Variants in CLN6 observed in about 807,000 individuals in gnomAD.
The protein encoded by CLN6 is ceroid-lipofuscinosis neuronal protein 6.
A neutral mutation model predicts 33.3 loss-of-function variants in CLN6; 22 were observed. That is an observed-to-expected ratio of 0.66 (90% CI 0.47 to 0.94). The LOEUF is 0.94. CLN6 is among the 40% of genes least tolerant of loss of function. The pLI, the probability that CLN6 is intolerant of heterozygous loss-of-function variation, is 0.00. For synonymous variants in CLN6, 201 were observed against 174.6 expected, an observed-to-expected ratio of 1.15 and a Z score of -1.19; for missense variants, 387 against 417.1, an observed-to-expected ratio of 0.93 and a Z score of 0.63.
In CLN6 at chr15:68,211,946, G is replaced by T; in HGVS notation, c.298-83C>A. On this transcript the variant is annotated intron_variant, in intron 3 of 6. Coordinates refer to ENST00000249806, the MANE Select transcript of CLN6 (RefSeq NM_017882.3). The surrounding 1 kb of genome is among the most constrained non-coding windows in gnomAD (Gnocchi z 5.9). ...CCTCTGCTTCCCCCCTCACACCTGG[G>T]GTGGGATGGACGCTTCCAGCTGGAA... The T allele has an allele frequency of 7.0e-7, 1 of 1,429,622 alleles. No homozygotes were observed. The highest frequency in any genetic ancestry group is 9.7e-7 in the Non-Finnish European group (1 of 1,031,626). 88.6% of individuals were successfully genotyped at this position (1,429,622 alleles called of 1,614,324 possible). A position where few individuals can be genotyped will look rare whatever the true frequency, so the allele number is the denominator to read the frequency against.
In CLN6 at chr15:68,208,747, G is replaced by T. The variant is rs560578430; in HGVS notation, c.666-337C>A. ...GAAAGCAACAAACAATTGCCATTACGACGGCAGCCACCCCCGCGGCAGGAT... is the reference window on the plus strand; with the variant it reads ...GAAAGCAACAAACAATTGCCATTACTACGGCAGCCACCCCCGCGGCAGGAT... On this transcript the variant is annotated intron_variant, in intron 6 of 6. Coordinates refer to ENST00000249806, the MANE Select transcript of CLN6 (RefSeq NM_017882.3). This position sits in a 1 kb window ranked among gnomAD's most constrained non-coding sequence, Gnocchi z 5.8. 6.6e-6 allele frequency among the ~76,000 whole-genome samples: 1 copy of T among 152,200 alleles called. No homozygotes were observed. Among genetic ancestry groups the T allele is most frequent in the South Asian group, 2.1e-4 (1 of 4,834 alleles).
chr15:68,209,653 T>C lies in CLN6; in HGVS notation c.649A>G (p.Ser217Gly), dbSNP rs1567095087. 1 of 1,613,166 alleles carries C rather than the reference T, an allele frequency of 6.2e-7. No homozygotes were observed. Among genetic ancestry groups the C allele is most frequent in the African/African-American group, 1.3e-5 (1 of 75,028 alleles). Residue 217 changes from serine (S) to glycine (G), a missense_variant, in exon 6 of 7, where the codon AGT (serine) becomes GGT (glycine). Transcript: ENST00000249806. The surrounding 1 kb of genome is among the most constrained non-coding windows in gnomAD (Gnocchi z 4.9). The stretch of plus-strand genomic sequence containing the variant: ...TCCACTCACCAGTAGTACAGGCCAC[T>C]GGGTGCCACCAGGAGCAGGGCAGGC... ...PGPALLLVAP[S>G]GLYYWYLVTE...
rs1168094947 is a variant in CLN6, at chr15:68,208,753, A to G, written c.666-343T>C. 1.3e-5 allele frequency among the ~76,000 whole-genome samples: 2 copies of G among 152,252 alleles called. No individual in the cohort carries two copies. Among genetic ancestry groups the G allele is most frequent in the Admixed American group, 1.3e-4 (2 of 15,290 alleles). ...AACAAACAATTGCCATTACGACGGCAGCCACCCCCGCGGCAGGATGCCGGG... is the reference window on the plus strand; with the variant it reads ...AACAAACAATTGCCATTACGACGGCGGCCACCCCCGCGGCAGGATGCCGGG... On this transcript the variant is annotated intron_variant, in intron 6 of 6. Coordinates refer to ENST00000249806, the MANE Select transcript of CLN6 (RefSeq NM_017882.3). The surrounding 1 kb of genome is among the most constrained non-coding windows in gnomAD (Gnocchi z 5.8).
intron 3 of CLN6, chr15:68,212,976 G>C (rs1343610398): frequency 6.6e-6 from 1 of 152,078 alleles, no homozygotes; most frequent in East Asian, 1.9e-4. Flanking sequence ...CTGGAGTGCG[G>C]TGGTGGAATC....
intron 1 of CLN6, 105 bp downstream of exon 1, chr15:68,229,397 G>A: frequency 3.3e-6 from 3 of 901,778 alleles, no homozygotes; most frequent in South Asian, 2.0e-5. Flanking sequence ...GGCCAGCGCC[G>A]CACACGAGGT....
chr15:68,256,976 C>G lies in CLN6; in HGVS notation c.-108G>C, dbSNP rs1892444394. On this transcript the variant is annotated 5_prime_UTR_variant, in exon 1 of 7. Transcript: ENST00000538696. This position sits in a 1 kb window ranked among gnomAD's most constrained non-coding sequence, Gnocchi z 4.1. ...GATGGTCACGCATCCCTTCCCTGGG[C>G]TTCTCCGGCACACCTGTATCTAGGG... 3.4e-6 allele frequency: 2 copies of G among 583,962 alleles called. No individual in the cohort carries two copies. The highest frequency in any genetic ancestry group is 6.1e-6 in the Non-Finnish European group (2 of 326,032). 36.2% of individuals were successfully genotyped at this position (583,962 alleles called of 1,614,324 possible). A position where few individuals can be genotyped will look rare whatever the true frequency, so the allele number is the denominator to read the frequency against.
chr15:68,235,587 A>AATATATATAT (rs59823320), intron 1 of CLN6, among the ~76,000 whole-genome samples: 5 of 95,084 alleles, frequency 5.3e-5, no homozygotes, highest in African/African-American at 1.8e-4. Context: ...AATAAAAATA[A>AATATATATAT]ATATATATAT....
At chr15:68,251,446 G>A (rs1057184958) in intron 1 of CLN6, among the ~76,000 whole-genome samples, 3 of 152,024 alleles carry the variant, frequency 2.0e-5, no homozygotes, top group African/African-American at 4.8e-5. Flanking sequence ...AGGCAGAGGC[G>A]GGTGGATGGA....
intron 1 of CLN6, among the ~76,000 whole-genome samples, chr15:68,224,127 A>G (rs1219650576): frequency 6.6e-6 from 1 of 151,976 alleles, no homozygotes; most frequent in South Asian, 2.1e-4. Flanking sequence ...TTAACTGGGT[A>G]TGGTGGCACA....
Position 68,227,448 on chromosome 15 carries a change from C to T in CLN6, c.83+2054G>A, listed in dbSNP as rs2093255512. On this transcript the variant is annotated intron_variant, in intron 1 of 6. Coordinates refer to ENST00000249806, the MANE Select transcript of CLN6 (RefSeq NM_017882.3). The surrounding 1 kb of genome is among the most constrained non-coding windows in gnomAD (Gnocchi z 4.1). Reference sequence around the variant, plus strand: ...AAAGCACGGATGCAGCAGAGGAAATCCAAGCATCCTAGGAACTGGACAGGA... The same window carrying T: ...AAAGCACGGATGCAGCAGAGGAAATTCAAGCATCCTAGGAACTGGACAGGA... 6.6e-6 allele frequency among the ~76,000 whole-genome samples: 1 copy of T among 152,180 alleles called. No homozygotes were observed.
upstream of CLN6, among the ~76,000 whole-genome samples, chr15:68,233,456 G>A (rs76198580): frequency 6.2e-3 from 946 of 152,256 alleles, 4 homozygotes; most frequent in East Asian, 0.033. The surrounding 1 kb of genome is among the most constrained non-coding windows in gnomAD (Gnocchi z 4.3). Context: ...CTGCAGCTGC[G>A]GAAAATGAAG....
Position 68,257,047 on chromosome 15 carries a change from C to T in CLN6, c.-179G>A, listed in dbSNP as rs888197066. 2.2e-5 allele frequency: 11 copies of T among 491,364 alleles called. 1 individual carries two copies. The Admixed American group carries it at 3.5e-4, about 16-fold the overall frequency. The allele number at this position is 491,364 out of a possible 1,614,324, so 30.4% of individuals were successfully genotyped here. A position where few individuals can be genotyped will look rare whatever the true frequency, so the allele number is the denominator to read the frequency against. ...AGGTCGCAATACCGCTGGGGGCTGC[C>T]TGGTGCCATGCGGTTGGGCCGCGGG... On this transcript the variant is annotated 5_prime_UTR_variant, in exon 1 of 7. Transcript: ENST00000538696.
chr15:68,229,762 A>AGGGAGGCGGG (rs1555440250), upstream of CLN6: 17 of 46,410 alleles, frequency 3.7e-4, no homozygotes, highest in South Asian at 4.3e-3. Flanking sequence ...GGCGGAGCGG[A>AGGGAGGCGGG]GCGGAGCGGA....
At chr15:68,225,215 A>T (rs778772918) in intron 1 of CLN6, among the ~76,000 whole-genome samples, 4 of 152,252 alleles carry the variant, frequency 2.6e-5, no homozygotes, top group Non-Finnish European at 4.4e-5. Flanking sequence ...TCCAAGAAAA[A>T]CAAAAGTAAC....
At chr15:68,245,214 T>C (rs1477056699) in intron 1 of CLN6, among the ~76,000 whole-genome samples, 1 of 151,300 alleles carries the variant, frequency 6.6e-6, no homozygotes, top group East Asian at 1.9e-4. Context: ...AAGTTATCGG[T>C]TTTTTTGTAA....
rs569365183 is a variant in CLN6, at chr15:68,221,356, C to T, written c.84-2706G>A. Among the ~76,000 whole-genome samples the T allele has an allele frequency of 8.5e-5, 13 of 152,108 alleles. No individual in the cohort carries two copies. The South Asian group carries it at 1.2e-3, about 15-fold the overall frequency. ...CCGTGATTCTCCTGCCTCGGCCTGCCGAGTGCCTGGGATCGCAGGCACACG... is the reference window on the plus strand; with the variant it reads ...CCGTGATTCTCCTGCCTCGGCCTGCTGAGTGCCTGGGATCGCAGGCACACG... On this transcript the variant is annotated intron_variant, in intron 1 of 6. Coordinates refer to ENST00000249806, the MANE Select transcript of CLN6 (RefSeq NM_017882.3).
chr15:68,255,929 G>A (rs1892429747), intron 1 of CLN6, among the ~76,000 whole-genome samples: 1 of 151,990 alleles, frequency 6.6e-6, no homozygotes, highest in African/African-American at 2.4e-5. Flanking sequence ...CAGTAGCTGG[G>A]ACTACAGGTG....
At chr15:68,223,642 A>G (rs1433485229) in intron 1 of CLN6, among the ~76,000 whole-genome samples, 1 of 152,242 alleles carries the variant, frequency 6.6e-6, no homozygotes, top group Non-Finnish European at 1.5e-5. Context: ...ATGTGTACCC[A>G]GCATACACTA....
intron 1 of CLN6, among the ~76,000 whole-genome samples, chr15:68,226,773 G>GT (rs1232030758): frequency 2.0e-5 from 3 of 151,868 alleles, no homozygotes; most frequent in Non-Finnish European, 4.4e-5. Flanking sequence ...CCAGTAGATC[G>GT]TATCTCAAGG....
Sources: gnomAD v4.1 joint callset for allele counts (sites outside exome capture counted in the v4.1 genomes callset) on GRCh38, gnomAD v4.1.1 for gene constraint, Gnocchi (gnomAD v3.1) non-coding constraint, MANE v1.5 for transcripts, NCBI Gene and HGNC (gene_info 2026-07-23, HGNC 2026-07-21) for gene names.